The following CCDC191 variants were observed in gnomAD, a reference collection of about 807,000 sequenced individuals.
The protein encoded by CCDC191 is coiled-coil domain-containing protein 191.
Under a neutral mutation model 114.0 loss-of-function variants are expected in CCDC191, and 99 were observed. That is an observed-to-expected ratio of 0.87 (90% CI 0.74 to 1.03). The LOEUF (loss-of-function observed/expected upper bound fraction) is 1.03, where lower values mean the gene tolerates loss of function less well. Ranked by LOEUF, CCDC191 falls within the 50% of genes least tolerant of loss-of-function variation. CCDC191 has a pLI of 0.00. For missense variants in CCDC191, 973 were observed against 1,087.0 expected (o/e 0.90, Z 1.47); for synonymous variants, 351 against 376.0 (o/e 0.93, Z 0.77).
chr3:113,996,448 G>A (rs796341280), intron 13 of CCDC191, among the ~76,000 whole-genome samples: 15 of 152,242 alleles, frequency 9.9e-5, no homozygotes, highest in African/African-American at 3.1e-4. Context: ...TGAGGTCTCC[G>A]TTCTGTTCCA....
At chr3:113,966,283 G>GT (rs1940161925) in intron 16 of CCDC191, among the ~76,000 whole-genome samples, 1 of 152,314 alleles carries the variant, frequency 6.6e-6, no homozygotes, top group African/African-American at 2.4e-5. Flanking sequence ...GACTGTTTAA[G>GT]TGAGTGTCTG....
intron 4 of CCDC191, among the ~76,000 whole-genome samples, chr3:114,038,696 G>A (rs938060982): frequency 1.3e-5 from 2 of 152,156 alleles, no homozygotes; most frequent in African/African-American, 2.4e-5. Flanking sequence ...GGAATACTAT[G>A]CAGCCATAAA....
chr3:113,990,525 G>A (rs1475532879), intron 13 of CCDC191, among the ~76,000 whole-genome samples: 1 of 151,662 alleles, frequency 6.6e-6, no homozygotes, highest in South Asian at 2.1e-4. Context: ...TCAGGTGATG[G>A]GTGCACCTAA....
intron 11 of CCDC191, chr3:114,003,833 A>C (rs1295147503): frequency 1.0e-6 from 1 of 985,356 alleles, no homozygotes; most frequent in Non-Finnish European, 1.2e-6. Flanking sequence ...AATCAAATTT[A>C]CAAACCACAA....
intron 7 of CCDC191, among the ~76,000 whole-genome samples, chr3:114,019,545 T>C (rs1212408322): frequency 6.6e-6 from 1 of 152,206 alleles, no homozygotes. Flanking sequence ...AGAAAATCAC[T>C]GAGACCTAGT....
intron 2 of CCDC191, 64 bp downstream of exon 2, chr3:114,053,533 C>G: frequency 1.0e-6 from 1 of 959,814 alleles, no homozygotes; most frequent in Non-Finnish European, 1.6e-6. Flanking sequence ...ATTCATATTT[C>G]TTTTCCATCT....
At position 113,965,070 on chromosome 3, in the gene CCDC191, T is replaced by G. The variant is rs963663133; in HGVS notation, c.*85A>C. ...TAGCTCGTAGAGAATAAACCAGGTGTATGTATGTATGTGTGTGGGTGGGTG... is the reference window on the plus strand; with the variant it reads ...TAGCTCGTAGAGAATAAACCAGGTGGATGTATGTATGTGTGTGGGTGGGTG... On this transcript the variant is annotated 3_prime_UTR_variant, in exon 17 of 17. Coordinates refer to ENST00000295878, the MANE Select transcript of CCDC191 (RefSeq NM_020817.2). The G allele has an allele frequency of 2.7e-5, 18 of 670,526 alleles. No homozygotes were observed. The highest frequency in any genetic ancestry group is 4.4e-5 in the Non-Finnish European group (18 of 409,488). The allele number at this position is 670,526 out of a possible 1,614,324, so 41.5% of individuals were successfully genotyped here. A position where few individuals can be genotyped will look rare whatever the true frequency, so the allele number is the denominator to read the frequency against.
chr3:113,982,955 C>CTCT (rs996865546), intron 13 of CCDC191, among the ~76,000 whole-genome samples: 1 of 152,008 alleles, frequency 6.6e-6, no homozygotes, highest in Admixed American at 6.6e-5. Context: ...CCACATCTAT[C>CTCT]TCTGATCTCA....
intron 16 of CCDC191, among the ~76,000 whole-genome samples, chr3:113,974,652 T>C (rs1192126873): frequency 1.3e-5 from 2 of 152,252 alleles, no homozygotes; most frequent in Non-Finnish European, 2.9e-5. Context: ...TATATGTCTA[T>C]GCCTTTGCAC....
intron 9 of CCDC191, among the ~76,000 whole-genome samples, chr3:114,008,522 G>C (rs2076012780): frequency 6.6e-6 from 1 of 152,038 alleles, no homozygotes; most frequent in Admixed American, 6.6e-5. Flanking sequence ...TGGAGGTGAG[G>C]GGGTAGAAGC....
chr3:114,035,115 G>A lies in CCDC191; in HGVS notation c.628C>T (p.Leu210=). 5 of 1,613,976 alleles carry A rather than the reference G, an allele frequency of 3.1e-6. No individual in the cohort carries two copies. Among genetic ancestry groups the A allele is most frequent in the Non-Finnish European group, 4.2e-6 (5 of 1,179,966 alleles). Residue 210 remains leucine, a synonymous_variant, in exon 6 of 17, where the codon CTG becomes TTG. Transcript: ENST00000295878. ...KENRLRREKE[L]EYQRIEKTLK... is the part of the protein sequence containing the mutation. The stretch of plus-strand genomic sequence containing the variant: ...GTCTTTTCTATTCTCTGGTACTCCA[G>A]TTCTTTCTCACGTCTTAAGCGATTT...
intron 8 of CCDC191, among the ~76,000 whole-genome samples, chr3:114,013,006 T>C (rs984768181): frequency 1.3e-5 from 2 of 152,186 alleles, no homozygotes; most frequent in East Asian, 3.9e-4. Flanking sequence ...TCACAGGAAT[T>C]TGGGAGGCTG....
Position 114,034,931 on chromosome 3 carries a change from C to T in CCDC191, c.812G>A (p.Trp271Ter), listed in dbSNP as rs571088502. 6.2e-7 allele frequency: 1 copy of T among 1,613,698 alleles called. No individual in the cohort carries two copies. The highest frequency in any genetic ancestry group is 2.2e-5 in the East Asian group (1 of 44,872). Residue 271 changes from tryptophan (W) to a stop codon, truncating the protein, a stop_gained, in exon 6 of 17, where the codon TGG becomes TAG. Coordinates refer to ENST00000295878, the MANE Select transcript of CCDC191 (RefSeq NM_020817.2). LOFTEE classifies it high-confidence loss of function. ...IERRRTVKAA[W>*]KIEKKRQEEN... ...GCTTATCACACTGGCTTACATTTTC[C>T]ATGCTGCTTTCACAGTGCGTCTCCT...
chr3:114,055,482 G>A (rs1005241904), intron 1 of CCDC191, among the ~76,000 whole-genome samples: 9 of 152,182 alleles, frequency 5.9e-5, no homozygotes, highest in African/African-American at 7.2e-5. Context: ...TATGTCCAAT[G>A]CATTTAGCTG....
chr3:114,035,133 A>G lies in CCDC191; in HGVS notation c.610T>C (p.Leu204=), dbSNP rs544828104. 6.2e-6 allele frequency: 10 copies of G among 1,612,888 alleles called. No individual in the cohort carries two copies. In the African/African-American group the frequency reaches 1.2e-4, roughly 19 times the overall value. The part of the protein sequence containing the change: ...MRHKQVKENR[L]RREKELEYQR... ...TACTCCAGTTCTTTCTCACGTCTTA[A>G]GCGATTTTCTTTTACCTTAAAGCAA... Residue 204 remains leucine, a synonymous_variant, in exon 6 of 17, where the codon TTA becomes CTA. Coordinates refer to ENST00000295878, the MANE Select transcript of CCDC191 (RefSeq NM_020817.2).
At chr3:113,975,235 T>C (rs1487084331) in intron 16 of CCDC191, among the ~76,000 whole-genome samples, 1 of 152,214 alleles carries the variant, frequency 6.6e-6, no homozygotes, top group Non-Finnish European at 1.5e-5. Flanking sequence ...CCGGAAGTGA[T>C]ACAGATATGT....
intron 13 of CCDC191, among the ~76,000 whole-genome samples, chr3:113,983,636 T>C (rs1471528528): frequency 3.3e-5 from 5 of 152,236 alleles, no homozygotes; most frequent in Non-Finnish European, 7.3e-5. Flanking sequence ...CCAACTAGCA[T>C]AGAAGCTTTC....
chr3:114,031,382 C>A (rs1039012995), intron 7 of CCDC191, among the ~76,000 whole-genome samples: 2 of 152,114 alleles, frequency 1.3e-5, no homozygotes, highest in African/African-American at 4.8e-5. Context: ...CCACAATTTA[C>A]CCCCCTCACC....
chr3:114,032,178 G>A (rs1324407541), intron 6 of CCDC191, among the ~76,000 whole-genome samples: 1 of 152,156 alleles, frequency 6.6e-6, no homozygotes, highest in Admixed American at 6.5e-5. Context: ...TTACTAAAAG[G>A]CCTCTTATAA....
Sources: allele counts gnomAD v4.1 joint callset (sites outside exome capture counted in the v4.1 genomes callset), GRCh38; gene constraint gnomAD v4.1.1; transcripts MANE v1.5; gene names NCBI Gene and HGNC (gene_info 2026-07-23, HGNC 2026-07-21).